ATP2B4: variants seen among roughly 807,000 people sequenced by gnomAD.
ATP2B4 encodes plasma membrane calcium-transporting ATPase 4.
In ATP2B4, 39 loss-of-function variants were observed where a neutral mutation model predicts 110.3. The ratio of observed to expected loss-of-function variants is 0.35; its 90% CI spans 0.27 to 0.46. The LOEUF (loss-of-function observed/expected upper bound fraction) is 0.46. Among genes scored for constraint, ATP2B4 ranks in the 20% least tolerant of loss-of-function variants. ATP2B4 has a pLI of 1.00. For missense variants in ATP2B4, 1,135 were observed against 1,530.9 expected (o/e 0.74, Z 4.32); for synonymous variants, 538 against 571.7 (o/e 0.94, Z 0.84).
intron 20 of ATP2B4, among the ~76,000 whole-genome samples, chr1:203,729,309 G>A (rs1246763464): frequency 6.6e-6 from 1 of 152,102 alleles, no homozygotes; most frequent in East Asian, 1.9e-4. Flanking sequence ...CACTTTGGGA[G>A]GCCGAGGCTG....
chr1:203,695,303 C>T (rs1665500813), intron 2 of ATP2B4, among the ~76,000 whole-genome samples: 1 of 152,220 alleles, frequency 6.6e-6, no homozygotes. Flanking sequence ...GAGAAAGGAC[C>T]AGCAAGGCCC....
At position 203,733,498 on chromosome 1, in the gene ATP2B4, GT is replaced by G. The variant is rs1666794881; in HGVS notation, c.3309+5932del. On this transcript the variant is annotated intron_variant, in intron 20 of 20. Coordinates refer to ENST00000357681, the MANE Select transcript of ATP2B4 (RefSeq NM_001684.5). ...CAACCATGGTTATCTTTTCCTTTTG[GT>G]TTTTCCCTTTGATATTTTGACTTAA... 5 of 1,265,852 alleles carry G rather than the reference GT, an allele frequency of 3.9e-6. No individual in the cohort carries two copies. The Admixed American group carries it at 1.5e-4, about 39-fold the overall frequency. The allele number at this position is 1,265,852 out of a possible 1,614,324, so 78.4% of individuals were successfully genotyped here. A position where few individuals can be genotyped will look rare whatever the true frequency, so the allele number is the denominator to read the frequency against.
intron 11 of ATP2B4, among the ~76,000 whole-genome samples, chr1:203,710,265 G>A (rs758745292): frequency 2.0e-5 from 3 of 152,024 alleles, no homozygotes; most frequent in Non-Finnish European, 4.4e-5. Context: ...AGCTACTCAG[G>A]AGGCTGAGGC....
At chr1:203,688,966 T>C (rs935798065) in intron 2 of ATP2B4, among the ~76,000 whole-genome samples, 1 of 152,224 alleles carries the variant, frequency 6.6e-6, no homozygotes, top group Non-Finnish European at 1.5e-5. Context: ...CTGAGCATTT[T>C]GCACAATGGA....
At chr1:203,739,140 A>G (rs141057781) in intron 20 of ATP2B4, among the ~76,000 whole-genome samples, 1 of 152,300 alleles carries the variant, frequency 6.6e-6, no homozygotes, top group African/African-American at 2.4e-5. Context: ...AGAAATCCAC[A>G]TATCTCAATC....
intron 4 of ATP2B4, 139 bp from the exon 5 acceptor site, chr1:203,700,067 C>A: frequency 9.6e-7 from 1 of 1,047,092 alleles, no homozygotes. Flanking sequence ...AAAGAGTCTC[C>A]ATGTACTCTC....
At chr1:203,734,582 T>G (rs1234314812) in intron 20 of ATP2B4, among the ~76,000 whole-genome samples, 1 of 151,414 alleles carries the variant, frequency 6.6e-6, no homozygotes, top group Non-Finnish European at 1.5e-5. Flanking sequence ...GGTGCGTGCC[T>G]GTAATCCCAG....
chr1:203,729,137 A>G (rs11810295), intron 20 of ATP2B4, among the ~76,000 whole-genome samples: 33,296 of 151,890 alleles, frequency 0.22, 4,002 homozygotes, highest in East Asian at 0.32. Context: ...GAGAAAGAAA[A>G]GAAGTTCCCC....
At chr1:203,670,305 A>G (rs564937483) in intron 1 of ATP2B4, among the ~76,000 whole-genome samples, 8 of 151,936 alleles carry the variant, frequency 5.3e-5, no homozygotes, top group East Asian at 1.9e-4. Flanking sequence ...CAGCCTCCCA[A>G]GTAGCTGGGA....
intron 4 of ATP2B4, 39 bp from the exon 5 acceptor site, chr1:203,700,167 T>C: frequency 6.3e-7 from 1 of 1,595,190 alleles, no homozygotes. Context: ...AGTCTCTTAC[T>C]ATCTCCTTCA....
At chr1:203,702,578 T>C (rs1194748178) in intron 7 of ATP2B4, among the ~76,000 whole-genome samples, 1 of 152,178 alleles carries the variant, frequency 6.6e-6, no homozygotes, top group Admixed American at 6.5e-5. Flanking sequence ...TCTCTGTATC[T>C]CTCTCCCCAC....
intron 8 of ATP2B4, among the ~76,000 whole-genome samples, chr1:203,704,590 C>T (rs1272960672): frequency 1.4e-5 from 2 of 144,440 alleles, no homozygotes. Flanking sequence ...AAGCGACTTT[C>T]CTGCCTCAGC....
At chr1:203,716,954 A>G (rs1427970311) in intron 15 of ATP2B4, among the ~76,000 whole-genome samples, 1 of 144,142 alleles carries the variant, frequency 6.9e-6, no homozygotes, top group East Asian at 2.1e-4. Flanking sequence ...TAATCCCAGC[A>G]CTTTGGGAGG....
At chr1:203,683,544 T>A in intron 2 of ATP2B4, 146 bp downstream of exon 2, 1 of 696,224 alleles carries the variant, frequency 1.4e-6, no homozygotes, top group Non-Finnish European at 2.2e-6. Flanking sequence ...TCTGAAGCAC[T>A]GAAAGGAGGG....
At chr1:203,688,839 C>G (rs932008048) in intron 2 of ATP2B4, among the ~76,000 whole-genome samples, 5 of 149,200 alleles carry the variant, frequency 3.4e-5, no homozygotes, top group African/African-American at 1.3e-4. Context: ...ATGTTTACAT[C>G]AAAGTAACTA....
At chr1:203,715,101 A>G (rs1259677080) in intron 15 of ATP2B4, among the ~76,000 whole-genome samples, 1 of 152,078 alleles carries the variant, frequency 6.6e-6, no homozygotes, top group African/African-American at 2.4e-5. Context: ...GCAAGGCATC[A>G]TGTAATTTCA....
At chr1:203,644,198 C>G (rs753455372) in intron 1 of ATP2B4, among the ~76,000 whole-genome samples, 1 of 148,702 alleles carries the variant, frequency 6.7e-6, no homozygotes, top group Non-Finnish European at 1.5e-5. Flanking sequence ...GGCAGTAAGC[C>G]GAGATCATGC....
rs970282925 is a variant in ATP2B4 at position 203,671,644 on chromosome 1, T to C, written c.-464-11098T>C. 3.0e-4 allele frequency among the ~76,000 whole-genome samples: 45 copies of C among 152,162 alleles called. 1 individual carries two copies. The highest frequency in any genetic ancestry group is 2.6e-3 in the Admixed American group (39 of 15,280). On this transcript the variant is annotated intron_variant, in intron 1 of 20. Coordinates refer to ENST00000357681, the MANE Select transcript of ATP2B4 (RefSeq NM_001684.5). ...CCACGTCTCTGGTGCCCGAGACATA[T>C]GTGTCTAGGGAGGAATCAGCTGCAC...
At chr1:203,724,300 G>A (rs6698408) in intron 19 of ATP2B4, among the ~76,000 whole-genome samples, 2,406 of 152,196 alleles carry the variant, frequency 0.016, 71 homozygotes, top group African/African-American at 0.056. Flanking sequence ...GGCAGATCAC[G>A]AGGTCAGGAA....
Sources: gnomAD v4.1 joint callset for allele counts (sites outside exome capture counted in the v4.1 genomes callset) on GRCh38, gnomAD v4.1.1 for gene constraint, MANE v1.5 for transcripts, NCBI Gene and HGNC (gene_info 2026-07-23, HGNC 2026-07-21) for gene names.